DCTN4: variants seen among roughly 807,000 people sequenced by gnomAD.
The protein encoded by DCTN4 is dynactin 4 (p62).
In DCTN4, 23 loss-of-function variants were observed where a neutral mutation model predicts 62.7. The ratio of observed to expected loss-of-function variants is 0.37; its 90% CI spans 0.26 to 0.52. The LOEUF (loss-of-function observed/expected upper bound fraction) is 0.52, where lower values mean the gene tolerates loss of function less well. Among genes scored for constraint, DCTN4 ranks in the 20% least tolerant of loss-of-function variants. The pLI, the probability that DCTN4 is intolerant of heterozygous loss-of-function variation, is 0.92. For missense variants in DCTN4, 514 were observed against 580.4 expected, an observed-to-expected ratio of 0.89 and a Z score of 1.18; for synonymous variants, 199 against 202.1, an observed-to-expected ratio of 0.98 and a Z score of 0.13.
At chr5:150,753,423 G>A in intron 3 of DCTN4, 56 bp downstream of exon 3, 3 of 1,487,004 alleles carry the variant, frequency 2.0e-6, no homozygotes, top group Admixed American at 3.6e-5. Context: ...TAATCTATGG[G>A]CAATTATAGC....
chr5:150,730,544 A>G, intron 8 of DCTN4, 87 bp downstream of exon 8: 1 of 1,168,038 alleles, frequency 8.6e-7, no homozygotes, highest in Non-Finnish European at 1.3e-6. Flanking sequence ...ATACATTCCA[A>G]AGGTTTTGAC....
At chr5:150,724,162 GTTAA>G (rs1335674890) in intron 8 of DCTN4, among the ~76,000 whole-genome samples, 1 of 152,094 alleles carries the variant, frequency 6.6e-6, no homozygotes, top group African/African-American at 2.4e-5. Context: ...TTCCACTGCA[GTTAA>G]TTTTTTTTAA....
rs762124472 is a variant in DCTN4, at chr5:150,729,042, C to CCTTTTTTTTTTTTTTTTTTTTTTT, written c.834+1588_834+1589insAAAAAAAAAAAAAAAAAAAAAAAG. Among the ~76,000 whole-genome samples, 2 of 52,140 alleles carry CCTTTTTTTTTTTTTTTTTTTTTTT rather than the reference C, an allele frequency of 3.8e-5. 1 individual carries two copies. Among genetic ancestry groups the CCTTTTTTTTTTTTTTTTTTTTTTT allele is most frequent in the African/African-American group, 1.5e-4 (2 of 13,124 alleles). 34.2% of individuals were successfully genotyped at this position (52,140 alleles called of 152,430 possible). A position where few individuals can be genotyped will look rare whatever the true frequency, so the allele number is the denominator to read the frequency against. The stretch of plus-strand genomic sequence containing the variant: ...ACAAGTGTGTGAACCACCACACTGG[C>CCTTTTTTTTTTTTTTTTTTTTTTT]TTTTTTTTTTTTTTTTTTTTTTTTT... On this transcript the variant is annotated intron_variant, in intron 8 of 12. Coordinates refer to ENST00000447998, the MANE Select transcript of DCTN4 (RefSeq NM_016221.4).
intron 12 of DCTN4, among the ~76,000 whole-genome samples, chr5:150,712,216 G>A (rs919601931): frequency 4.0e-5 from 6 of 150,980 alleles, no homozygotes; most frequent in East Asian, 2.0e-4. Flanking sequence ...CGCAACCTCC[G>A]CCTCCTGGGT....
chr5:150,757,978 C>G (rs930768481), intron 1 of DCTN4: 1 of 767,516 alleles, frequency 1.3e-6, no homozygotes, highest in African/African-American at 1.9e-5. Context: ...AAAAAAGTAT[C>G]CACTTAAATT....
chr5:150,721,453 T>G (rs1179896084), intron 9 of DCTN4, among the ~76,000 whole-genome samples: 1 of 152,234 alleles, frequency 6.6e-6, no homozygotes, highest in African/African-American at 2.4e-5. Flanking sequence ...ATGTAATTTG[T>G]TTTGATATTT....
At chr5:150,746,039 C>T (rs375970627) in intron 3 of DCTN4, among the ~76,000 whole-genome samples, 115 of 149,150 alleles carry the variant, frequency 7.7e-4, no homozygotes, top group East Asian at 2.8e-3. Flanking sequence ...ATTGATAGAC[C>T]GCTAGCAAGA....
chr5:150,739,054 G>A (rs1003010165), intron 4 of DCTN4, among the ~76,000 whole-genome samples: 6 of 151,978 alleles, frequency 3.9e-5, no homozygotes, highest in Admixed American at 2.0e-4. Context: ...GGTAGCGGGC[G>A]CCTGTAATCC....
chr5:150,747,542 C>T (rs1405672274), intron 3 of DCTN4, among the ~76,000 whole-genome samples: 2 of 152,220 alleles, frequency 1.3e-5, no homozygotes, highest in Non-Finnish European at 1.5e-5. Flanking sequence ...TCAAACTATA[C>T]TACAAGGCTA....
intron 1 of DCTN4, among the ~76,000 whole-genome samples, chr5:150,756,870 C>T (rs1752883740): frequency 6.6e-6 from 1 of 152,096 alleles, no homozygotes; most frequent in African/African-American, 2.4e-5. Flanking sequence ...GACTATAAAA[C>T]TTGACCATAC....
At chr5:150,758,260 G>T in intron 1 of DCTN4, 1 of 985,562 alleles carries the variant, frequency 1.0e-6, no homozygotes, top group Non-Finnish European at 1.2e-6. Context: ...GCCAGGGAAG[G>T]ACAGCATTGT....
intron 8 of DCTN4, among the ~76,000 whole-genome samples, chr5:150,729,424 T>C (rs1760276946): frequency 6.6e-6 from 1 of 152,042 alleles, no homozygotes; most frequent in South Asian, 2.1e-4. Context: ...TATCAAAAAT[T>C]AGCAACAATG....
intron 12 of DCTN4, among the ~76,000 whole-genome samples, chr5:150,713,332 T>G (rs1273374086): frequency 6.6e-6 from 1 of 152,186 alleles, no homozygotes; most frequent in African/African-American, 2.4e-5. Context: ...TCTGGAATGC[T>G]ATCGAACAAC....
intron 4 of DCTN4, among the ~76,000 whole-genome samples, chr5:150,737,293 C>T (rs1186994153): frequency 2.6e-5 from 4 of 152,138 alleles, no homozygotes; most frequent in Non-Finnish European, 5.9e-5. Flanking sequence ...GATCATTCTA[C>T]CCAACAACTG....
At chr5:150,722,547 C>T (rs904277902) in intron 9 of DCTN4, among the ~76,000 whole-genome samples, 3 of 152,190 alleles carry the variant, frequency 2.0e-5, no homozygotes, top group African/African-American at 7.2e-5. Context: ...TACAGGGATA[C>T]TCTTCAATCA....
intron 4 of DCTN4, 170 bp from the exon 5 acceptor site, chr5:150,733,645 C>G (rs113920181): frequency 2.1e-6 from 1 of 475,646 alleles, no homozygotes; most frequent in Non-Finnish European, 3.7e-6. Context: ...ATCTGTTTTC[C>G]GAAGTGAAAT....
intron 4 of DCTN4, among the ~76,000 whole-genome samples, chr5:150,734,753 T>C (rs1237816868): frequency 6.6e-6 from 1 of 152,232 alleles, no homozygotes; most frequent in Non-Finnish European, 1.5e-5. Context: ...AGTAGGCTTG[T>C]AGCCTGGGCC....
At chr5:150,729,041 G>GTTTTTTT (rs1561696053) in intron 8 of DCTN4, among the ~76,000 whole-genome samples, 1 of 79,148 alleles carries the variant, frequency 1.3e-5, no homozygotes, top group Admixed American at 1.3e-4. Context: ...CACCACACTG[G>GTTTTTTT]CTTTTTTTTT....
intron 11 of DCTN4, 85 bp from the exon 12 acceptor site, chr5:150,715,747 G>A: frequency 9.5e-7 from 1 of 1,051,060 alleles, no homozygotes; most frequent in Non-Finnish European, 1.5e-6. Flanking sequence ...TAGACAAATG[G>A]AAGCACACAG....
Sources: allele counts gnomAD v4.1 joint callset (sites outside exome capture counted in the v4.1 genomes callset), GRCh38; gene constraint gnomAD v4.1.1; transcripts MANE v1.5; gene names NCBI Gene and HGNC (gene_info 2026-07-23, HGNC 2026-07-21).